Variants in PCDH9 observed in about 807,000 individuals in gnomAD.
PCDH9 encodes protocadherin-9.
In PCDH9, 24 loss-of-function variants were observed where a neutral mutation model predicts 70.6. That is an observed-to-expected ratio of 0.34 (90% confidence interval 0.25 to 0.48). The LOEUF (loss-of-function observed/expected upper bound fraction) is 0.48, where lower values mean the gene tolerates loss of function less well. Ranked by LOEUF, PCDH9 falls within the 20% of genes least tolerant of loss-of-function variation. The pLI, the probability that PCDH9 is intolerant of heterozygous loss-of-function variation, is 0.99. For synonymous variants in PCDH9, 562 were observed against 558.5 expected, an observed-to-expected ratio of 1.01 and a Z score of -0.09; for missense variants, 1,281 against 1,503.6, an observed-to-expected ratio of 0.85 and a Z score of 2.45.
intron 4 of PCDH9, among the ~76,000 whole-genome samples, chr13:66,592,832 ATTACT>A (rs2077054467): frequency 1.3e-5 from 2 of 151,776 alleles, no homozygotes; most frequent in African/African-American, 4.8e-5. Flanking sequence ...AGGGGTTAAG[ATTACT>A]TTACGTGAAA....
chr13:66,734,612 C>A (rs1010255728), intron 3 of PCDH9, among the ~76,000 whole-genome samples: 1 of 152,146 alleles, frequency 6.6e-6, no homozygotes, highest in African/African-American at 2.4e-5. Context: ...ATTTTCTACA[C>A]TAGACGTCAA....
chr13:66,758,912 A>C (rs954712293), intron 3 of PCDH9, among the ~76,000 whole-genome samples: 9 of 151,978 alleles, frequency 5.9e-5, no homozygotes, highest in Non-Finnish European at 8.8e-5. Context: ...GTTGGCAGGT[A>C]ATTGTTCATA....
intron 2 of PCDH9, chr13:67,217,395 A>G (rs935876548): frequency 6.6e-6 from 1 of 152,076 alleles, no homozygotes; most frequent in Non-Finnish European, 1.5e-5. Flanking sequence ...TGGGCTGCAT[A>G]TGGATTACAC....
chr13:66,585,339 T>C (rs187350321), intron 4 of PCDH9, among the ~76,000 whole-genome samples: 1 of 152,042 alleles, frequency 6.6e-6, no homozygotes, highest in Non-Finnish European at 1.5e-5. Context: ...TTTTTCAATA[T>C]AGCTAGTACC....
intron 3 of PCDH9, among the ~76,000 whole-genome samples, chr13:66,825,844 C>T (rs1202329181): frequency 2.6e-5 from 4 of 151,806 alleles, no homozygotes; most frequent in Non-Finnish European, 2.9e-5. Flanking sequence ...TAAATGGTGC[C>T]GAAATAACTC....
At chr13:66,870,747 G>GGA (rs1297288416) in intron 3 of PCDH9, among the ~76,000 whole-genome samples, 2 of 152,148 alleles carry the variant, frequency 1.3e-5, no homozygotes, top group African/African-American at 2.4e-5. Flanking sequence ...AACAGGTGCT[G>GGA]GAGAGGATGT....
intron 4 of PCDH9, among the ~76,000 whole-genome samples, chr13:66,407,517 AATGTTGT>A (rs1204195622): frequency 6.6e-6 from 1 of 152,106 alleles, no homozygotes. Context: ...GTTGTTTTTT[AATGTTGT>A]TGCTGTAGCT....
chr13:67,174,351 G>A (rs541202171), intron 2 of PCDH9, among the ~76,000 whole-genome samples: 7 of 137,512 alleles, frequency 5.1e-5, no homozygotes, highest in East Asian at 4.1e-4. Flanking sequence ...ACATACAGAC[G>A]AAGGGAGGGA....
At chr13:66,618,340 T>C (rs1249905852) in intron 4 of PCDH9, among the ~76,000 whole-genome samples, 2 of 152,166 alleles carry the variant, frequency 1.3e-5, no homozygotes, top group African/African-American at 2.4e-5. Context: ...CTCATGTATT[T>C]GTCAGCCACA....
chr13:66,598,019 A>G (rs1281836470), intron 4 of PCDH9, among the ~76,000 whole-genome samples: 1 of 151,838 alleles, frequency 6.6e-6, no homozygotes, highest in Non-Finnish European at 1.5e-5. Context: ...CAAAACCACA[A>G]CAAGATATCA....
intron 2 of PCDH9, among the ~76,000 whole-genome samples, chr13:67,085,616 G>T (rs1373079153): frequency 1.3e-5 from 2 of 152,196 alleles, no homozygotes; most frequent in Non-Finnish European, 2.9e-5. Context: ...TAAAGGGCAA[G>T]ATTTCTCAAA....
At chr13:66,457,682 G>A (rs1043563821) in intron 4 of PCDH9, among the ~76,000 whole-genome samples, 5 of 151,876 alleles carry the variant, frequency 3.3e-5, no homozygotes, top group African/African-American at 4.8e-5. Flanking sequence ...ATCCCCAGGC[G>A]ATTGCAAATT....
intron 3 of PCDH9, among the ~76,000 whole-genome samples, chr13:66,636,464 T>C (rs1033676608): frequency 6.6e-5 from 10 of 152,110 alleles, no homozygotes; most frequent in Non-Finnish European, 1.3e-4. Context: ...GATAACAACA[T>C]GAATCTAGCA....
In PCDH9 at chr13:67,174,963, CAAA is replaced by C. The variant is rs376755966; in HGVS notation, c.3036+50439_3036+50441del. Among the ~76,000 whole-genome samples, 884 of 127,410 alleles carry C rather than the reference CAAA, an allele frequency of 6.9e-3. 14 individuals are homozygous for C. The highest frequency in any genetic ancestry group is 0.025 in the African/African-American group (827 of 33,176). The allele number at this position is 127,410 out of a possible 152,430, so 83.6% of individuals were successfully genotyped here. A position where few individuals can be genotyped will look rare whatever the true frequency, so the allele number is the denominator to read the frequency against. On this transcript the variant is annotated intron_variant, in intron 2 of 4. Coordinates refer to ENST00000377865, the MANE Select transcript of PCDH9 (RefSeq NM_203487.3). ...CCATATTTTGAGACCTCATCTCTAC[CAAA>C]AAAAAAAAAAAAAAAAAAAATTAGC...
intron 2 of PCDH9, among the ~76,000 whole-genome samples, chr13:67,083,886 C>T (rs955436121): frequency 5.9e-5 from 9 of 152,178 alleles, no homozygotes; most frequent in Middle Eastern, 3.4e-3. Context: ...TTTAATTTTC[C>T]AGCCCATGAA....
intron 3 of PCDH9, among the ~76,000 whole-genome samples, chr13:66,749,167 G>A (rs2139221728): frequency 6.6e-6 from 1 of 152,242 alleles, no homozygotes; most frequent in South Asian, 2.1e-4. Context: ...CTTTATAGCA[G>A]CATAAGAACA....
chr13:66,810,636 C>T (rs1286530468), intron 3 of PCDH9, among the ~76,000 whole-genome samples: 7 of 151,654 alleles, frequency 4.6e-5, no homozygotes, highest in Non-Finnish European at 8.8e-5. Flanking sequence ...AACTTCTATC[C>T]CTAGTATTCT....
chr13:66,809,195 G>T (rs887698022), intron 3 of PCDH9, among the ~76,000 whole-genome samples: 1 of 152,092 alleles, frequency 6.6e-6, no homozygotes, highest in African/African-American at 2.4e-5. Context: ...TGATCCACCC[G>T]TCTCGGCCTC....
At chr13:66,538,674 C>A (rs1960811518) in intron 4 of PCDH9, among the ~76,000 whole-genome samples, 1 of 151,864 alleles carries the variant, frequency 6.6e-6, no homozygotes, top group Non-Finnish European at 1.5e-5. Context: ...AAGCCTCACT[C>A]AAATTATGGA....
Sources: gnomAD v4.1 joint callset for allele counts (sites outside exome capture counted in the v4.1 genomes callset) on GRCh38, gnomAD v4.1.1 for gene constraint, MANE v1.5 for transcripts, NCBI Gene and HGNC (gene_info 2026-07-23, HGNC 2026-07-21) for gene names.